The following RANBP17 variants were observed in gnomAD, a reference collection of about 807,000 sequenced individuals.
The protein encoded by RANBP17 is ran-binding protein 17.
In RANBP17, 158 loss-of-function variants were observed where a neutral mutation model predicts 141.2. That is an observed-to-expected ratio of 1.12 (90% CI 0.98 to 1.28). The LOEUF is 1.28. Ranked by LOEUF, RANBP17 falls within the 50% of genes most tolerant of loss-of-function variation. The pLI is 0.00. For synonymous variants in RANBP17, 430 were observed against 450.0 expected (o/e 0.96, Z 0.56); for missense variants, 1,438 against 1,290.7 (o/e 1.11, Z -1.75).
chr5:171,089,497 C>T (rs1420035300), intron 14 of RANBP17, among the ~76,000 whole-genome samples: 1 of 152,216 alleles, frequency 6.6e-6, no homozygotes, highest in Admixed American at 6.5e-5. Flanking sequence ...CCAGCTCGAG[C>T]TTCCCGGCTG....
rs536334673 is a variant in RANBP17 at position 171,102,472 on chromosome 5, T to G, written c.1711-67658T>G. ...TCATTTATGTTCTTCTCTAATCTAGTTATTCTAGTTAGCAATTCCTCTAAC... is the reference window on the plus strand; with the variant it reads ...TCATTTATGTTCTTCTCTAATCTAGGTATTCTAGTTAGCAATTCCTCTAAC... On this transcript the variant is annotated intron_variant, in intron 14 of 27. Transcript: ENST00000523189. 2.6e-5 allele frequency among the ~76,000 whole-genome samples: 4 copies of G among 152,210 alleles called. No homozygotes were observed. The East Asian group carries it at 7.7e-4, about 29-fold the overall frequency.
chr5:171,034,423 A>G (rs996724163), intron 14 of RANBP17, among the ~76,000 whole-genome samples: 4 of 152,194 alleles, frequency 2.6e-5, no homozygotes, highest in Admixed American at 6.5e-5. Flanking sequence ...TTGCTTACCA[A>G]AGAACTGCAA....
chr5:171,277,890 A>G (rs531450348), intron 25 of RANBP17, among the ~76,000 whole-genome samples: 3 of 143,778 alleles, frequency 2.1e-5, no homozygotes, highest in Non-Finnish European at 4.5e-5. Flanking sequence ...AGCATTCTTC[A>G]ATCAAGAACT....
intron 14 of RANBP17, among the ~76,000 whole-genome samples, chr5:171,129,093 T>C (rs1756713464): frequency 6.6e-6 from 1 of 152,128 alleles, no homozygotes; most frequent in South Asian, 2.1e-4. Context: ...ATCACCATTC[T>C]CTATTACAGA....
intron 24 of RANBP17, among the ~76,000 whole-genome samples, chr5:171,259,150 A>C (rs1447133152): frequency 2.6e-5 from 4 of 152,224 alleles, no homozygotes; most frequent in Non-Finnish European, 5.9e-5. Flanking sequence ...AGAGAAATGC[A>C]AATCAAAACC....
intron 14 of RANBP17, among the ~76,000 whole-genome samples, chr5:171,044,914 C>T (rs1782472923): frequency 6.6e-6 from 1 of 151,956 alleles, no homozygotes; most frequent in Non-Finnish European, 1.5e-5. Context: ...GAGTTTGGTT[C>T]ATTATTTTTT....
chr5:171,136,832 A>G (rs1757323515), intron 14 of RANBP17, among the ~76,000 whole-genome samples: 1 of 152,146 alleles, frequency 6.6e-6, no homozygotes, highest in Non-Finnish European at 1.5e-5. Context: ...TAGACTTGAA[A>G]CTTGGAACTG....
chr5:171,102,536 A>C (rs1787244746), intron 14 of RANBP17, among the ~76,000 whole-genome samples: 3 of 152,032 alleles, frequency 2.0e-5, no homozygotes, highest in Admixed American at 2.0e-4. Flanking sequence ...ATTGGGTTAG[A>C]ACATGCTTCT....
rs1257075907 is a variant in RANBP17, at chr5:170,976,092, A to T, written c.1710+7715A>T. Among the ~76,000 whole-genome samples the T allele has an allele frequency of 2.0e-5, 3 of 152,294 alleles. No homozygotes were observed. In the East Asian group the frequency reaches 5.8e-4, roughly 29 times the overall value. On this transcript the variant is annotated intron_variant, in intron 14 of 27. Transcript: ENST00000523189. ...ACTTGCAGATGACATGATCTTATGT[A>T]TAGGAAATCCTAAGGATCCACTGAA...
At position 171,010,804 on chromosome 5, in the gene RANBP17, G is replaced by C. The variant is rs150724297; in HGVS notation, c.1710+42427G>C. On this transcript the variant is annotated intron_variant, in intron 14 of 27. Transcript: ENST00000523189. The stretch of plus-strand genomic sequence containing the variant: ...TTATACCAGTAAATTTGACAACTTA[G>C]AGAAAAATGACAAAATCTTTTAAAA... Among the ~76,000 whole-genome samples the C allele has an allele frequency of 4.0e-3, 616 of 152,182 alleles. 5 individuals carry two copies. Among genetic ancestry groups the C allele is most frequent in the African/African-American group, 0.014 (594 of 41,544 alleles).
chr5:171,172,586 T>C (rs1272296524), intron 16 of RANBP17, among the ~76,000 whole-genome samples: 1 of 151,782 alleles, frequency 6.6e-6, no homozygotes, highest in Non-Finnish European at 1.5e-5. Flanking sequence ...TTCTAACATA[T>C]GAAGTGGTTT....
chr5:171,053,889 A>G (rs1456486256), intron 14 of RANBP17, among the ~76,000 whole-genome samples: 1 of 66,846 alleles, frequency 1.5e-5, no homozygotes, highest in South Asian at 6.4e-4. Flanking sequence ...ATATATATAT[A>G]TATATATATA....
chr5:171,118,195 C>T (rs143218115), intron 14 of RANBP17, among the ~76,000 whole-genome samples: 29 of 152,068 alleles, frequency 1.9e-4, no homozygotes, highest in Non-Finnish European at 3.8e-4. Flanking sequence ...GGTCTAGTTT[C>T]GTACTTCAGC....
intron 16 of RANBP17, among the ~76,000 whole-genome samples, chr5:171,172,078 T>C (rs1760137252): frequency 6.6e-6 from 1 of 151,976 alleles, no homozygotes. Flanking sequence ...TCTTTTAATA[T>C]GAGGACAAAT....
At chr5:171,295,750 C>T (rs1768776326) in intron 26 of RANBP17, 137 bp from the exon 27 acceptor site, 1 of 847,616 alleles carries the variant, frequency 1.2e-6, no homozygotes, top group South Asian at 1.7e-5. Flanking sequence ...GCTTAAAGTT[C>T]AAAGTGGACC....
intron 27 of RANBP17, among the ~76,000 whole-genome samples, chr5:171,297,014 A>C (rs1477583040): frequency 6.6e-6 from 1 of 152,206 alleles, no homozygotes; most frequent in Non-Finnish European, 1.5e-5. Flanking sequence ...TCTACTCCTC[A>C]GGTTCTTTAC....
intron 14 of RANBP17, among the ~76,000 whole-genome samples, chr5:171,161,994 A>G (rs866523561): frequency 7.2e-5 from 11 of 152,344 alleles, no homozygotes; most frequent in Non-Finnish European, 1.2e-4. Context: ...TTTAATCGTC[A>G]TCTTATAAAC....
At chr5:170,902,032 ATGT>A (rs1269831903) in intron 5 of RANBP17, among the ~76,000 whole-genome samples, 1 of 151,754 alleles carries the variant, frequency 6.6e-6, no homozygotes, top group African/African-American at 2.4e-5. Context: ...TATCTTTGTG[ATGT>A]TCTGTGTATT....
chr5:171,142,003 T>G (rs1018103247), intron 14 of RANBP17, among the ~76,000 whole-genome samples: 1 of 152,198 alleles, frequency 6.6e-6, no homozygotes, highest in East Asian at 1.9e-4. Context: ...AAATCAAGAC[T>G]AAGAAATTCA....
Sources: gnomAD v4.1 joint callset for allele counts (sites outside exome capture counted in the v4.1 genomes callset) on GRCh38, gnomAD v4.1.1 for gene constraint, MANE v1.5 for transcripts, NCBI Gene and HGNC (gene_info 2026-07-23, HGNC 2026-07-21) for gene names.